The following UBAC2 variants were observed in gnomAD, a reference collection of about 807,000 sequenced individuals.
UBAC2 encodes UBA domain containing 2, also known as ubiquitin-associated domain-containing protein 2.
In UBAC2, 26 loss-of-function variants were observed where a neutral mutation model predicts 44.0. That is an observed-to-expected ratio of 0.59 (90% confidence interval 0.43 to 0.82). The LOEUF is 0.82. Among genes scored for constraint, UBAC2 ranks in the 40% least tolerant of loss-of-function variants. The pLI, the probability that UBAC2 is intolerant of heterozygous loss-of-function variation, is 0.00. For synonymous variants in UBAC2, 155 were observed against 154.3 expected (o/e 1.00, Z -0.04); for missense variants, 329 against 419.4 (o/e 0.78, Z 1.88).
At chr13:99,316,636 AAC>A (rs2044495584) in intron 5 of UBAC2, among the ~76,000 whole-genome samples, 3 of 152,234 alleles carry the variant, frequency 2.0e-5, no homozygotes, top group Admixed American at 1.3e-4. Context: ...GCCATGAGAA[AAC>A]ACACAGATAC....
intron 6 of UBAC2, among the ~76,000 whole-genome samples, chr13:99,321,468 C>T (rs971572338): frequency 2.6e-5 from 4 of 152,106 alleles, no homozygotes; most frequent in South Asian, 2.1e-4. Flanking sequence ...GCCACCAAGC[C>T]CGGCTACTTT....
chr13:99,234,865 G>T (rs1185054063), intron 1 of UBAC2, among the ~76,000 whole-genome samples: 1 of 152,234 alleles, frequency 6.6e-6, no homozygotes, highest in Non-Finnish European at 1.5e-5. Flanking sequence ...ATGTTCCTGA[G>T]TAGGTGAAAG....
At chr13:99,272,369 C>G (rs1047560029) in intron 4 of UBAC2, among the ~76,000 whole-genome samples, 4 of 152,190 alleles carry the variant, frequency 2.6e-5, no homozygotes, top group African/African-American at 9.7e-5. Flanking sequence ...CAACTCATGG[C>G]CACCTTGTTT....
At chr13:99,218,951 C>T (rs1026867112) in intron 1 of UBAC2, among the ~76,000 whole-genome samples, 1 of 152,152 alleles carries the variant, frequency 6.6e-6, no homozygotes, top group Non-Finnish European at 1.5e-5. Flanking sequence ...CATGGGTTTA[C>T]TGTGCTTTTG....
intron 1 of UBAC2, 125 bp downstream of exon 1, chr13:99,201,064 G>A: frequency 7.5e-7 from 1 of 1,325,776 alleles, no homozygotes; most frequent in Non-Finnish European, 9.7e-7. Flanking sequence ...CTCCAGACCC[G>A]CGTCCGAACC....
chr13:99,331,278 G>A (rs1157105845), intron 6 of UBAC2, among the ~76,000 whole-genome samples: 2 of 152,092 alleles, frequency 1.3e-5, no homozygotes, highest in Non-Finnish European at 2.9e-5. Context: ...GATGTTTGGA[G>A]CTTTTTAAAT....
intron 6 of UBAC2, among the ~76,000 whole-genome samples, chr13:99,319,708 C>G (rs1283147807): frequency 6.6e-6 from 1 of 152,344 alleles, no homozygotes; most frequent in Non-Finnish European, 1.5e-5. Context: ...AACACCTAAG[C>G]TATCCGTCTG....
intron 4 of UBAC2, chr13:99,258,487 A>G (rs1370748761): frequency 1.3e-5 from 2 of 152,190 alleles, no homozygotes; most frequent in African/African-American, 2.4e-5. Context: ...CACACTTAGC[A>G]TAAGCTCCCC....
intron 1 of UBAC2, among the ~76,000 whole-genome samples, chr13:99,211,490 A>G (rs1405791682): frequency 6.6e-6 from 1 of 152,228 alleles, no homozygotes; most frequent in Non-Finnish European, 1.5e-5. Flanking sequence ...TCAACGACTA[A>G]TAAGTGTGAG....
chr13:99,211,106 C>G (rs2042932914), intron 1 of UBAC2, among the ~76,000 whole-genome samples: 1 of 152,188 alleles, frequency 6.6e-6, no homozygotes, highest in African/African-American at 2.4e-5. Context: ...AGGGTAGTAC[C>G]AATTTAAACT....
At chr13:99,364,478 C>T (rs1177035905) in intron 7 of UBAC2, among the ~76,000 whole-genome samples, 8 of 151,534 alleles carry the variant, frequency 5.3e-5, no homozygotes, top group Non-Finnish European at 1.5e-5. Flanking sequence ...TTTTCTTGCT[C>T]ATAATGGCCT....
intron 5 of UBAC2, among the ~76,000 whole-genome samples, chr13:99,315,654 T>C (rs916369754): frequency 6.6e-6 from 1 of 152,294 alleles, no homozygotes; most frequent in East Asian, 1.9e-4. Context: ...GGGATGATAA[T>C]ATCTACCTTA....
chr13:99,256,611 A>G (rs1191227893), intron 4 of UBAC2: 5 of 152,138 alleles, frequency 3.3e-5, no homozygotes, highest in African/African-American at 1.2e-4. Context: ...AACAATTTTC[A>G]AAGTAAATCC....
intron 7 of UBAC2, among the ~76,000 whole-genome samples, chr13:99,367,480 G>T (rs1247083737): frequency 2.0e-5 from 3 of 152,096 alleles, no homozygotes; most frequent in Non-Finnish European, 4.4e-5. Context: ...TGGCGTCACA[G>T]TCGGGCTGAA....
chr13:99,213,844 G>T (rs2042961769), intron 1 of UBAC2, among the ~76,000 whole-genome samples: 1 of 152,084 alleles, frequency 6.6e-6, no homozygotes. Context: ...ATTGTAGACA[G>T]AGTCTTGCTT....
intron 1 of UBAC2, 148 bp from the exon 2 acceptor site, chr13:99,238,279 G>C (rs2043262324): frequency 2.9e-6 from 3 of 1,017,454 alleles, no homozygotes; most frequent in Non-Finnish European, 4.2e-6. Context: ...TCGATGTTTT[G>C]AAAGTGGATA....
intron 6 of UBAC2, among the ~76,000 whole-genome samples, chr13:99,332,047 A>G (rs1228054222): frequency 6.6e-6 from 1 of 152,056 alleles, no homozygotes; most frequent in East Asian, 1.9e-4. Flanking sequence ...TGTCATGCAG[A>G]GGCAATATCA....
chr13:99,252,291 T>G (rs1398068943), intron 4 of UBAC2, among the ~76,000 whole-genome samples: 1 of 152,240 alleles, frequency 6.6e-6, no homozygotes, highest in Non-Finnish European at 1.5e-5. Context: ...GTTGTCATGG[T>G]CTGTGCCTTC....
intron 4 of UBAC2, among the ~76,000 whole-genome samples, chr13:99,305,982 G>A (rs538177171): frequency 2.0e-5 from 3 of 152,120 alleles, no homozygotes; most frequent in East Asian, 1.9e-4. Flanking sequence ...TGCAACCTCC[G>A]CCTCCCAGGT....
Sources: gnomAD v4.1 joint callset for allele counts (sites outside exome capture counted in the v4.1 genomes callset) on GRCh38, gnomAD v4.1.1 for gene constraint, MANE v1.5 for transcripts, NCBI Gene and HGNC (gene_info 2026-07-23, HGNC 2026-07-21) for gene names.